Variants in DNER observed in about 807,000 individuals in gnomAD.
The protein encoded by DNER is delta/notch like EGF repeat containing.
DNER carries 33 observed loss-of-function variants against 78.2 expected under a neutral mutation model. That is an observed-to-expected ratio of 0.42 (90% confidence interval 0.32 to 0.56). The LOEUF (loss-of-function observed/expected upper bound fraction) is 0.56. Among genes scored for constraint, DNER ranks in the 20% least tolerant of loss-of-function variants. The pLI, the probability that DNER is intolerant of heterozygous loss-of-function variation, is 0.11. For missense variants in DNER, 918 were observed against 975.3 expected (o/e 0.94, Z 0.78); for synonymous variants, 417 against 384.8 (o/e 1.08, Z -0.98).
chr2:229,563,556 C>T (rs903104105), intron 4 of DNER, among the ~76,000 whole-genome samples: 16 of 146,736 alleles, frequency 1.1e-4, no homozygotes, highest in Admixed American at 6.7e-4. Flanking sequence ...TCACCATCAT[C>T]GTCATCATCC....
At chr2:229,637,792 C>G (rs771748518) in intron 1 of DNER, among the ~76,000 whole-genome samples, 14 of 152,118 alleles carry the variant, frequency 9.2e-5, no homozygotes, top group Non-Finnish European at 1.2e-4. Context: ...GAAAAAGCAG[C>G]CTTGAACATC....
chr2:229,549,443 T>C (rs1302088273), intron 4 of DNER, among the ~76,000 whole-genome samples: 3 of 152,076 alleles, frequency 2.0e-5, no homozygotes, highest in Non-Finnish European at 2.9e-5. Context: ...GTAGCTGAGA[T>C]TACAGGCACC....
At chr2:229,426,304 G>A (rs1361875436) in intron 8 of DNER, among the ~76,000 whole-genome samples, 1 of 151,940 alleles carries the variant, frequency 6.6e-6, no homozygotes, top group African/African-American at 2.4e-5. Flanking sequence ...AGCTGGGCGT[G>A]GTGGCGGGTG....
At chr2:229,370,395 C>T (rs570341034) in intron 11 of DNER, among the ~76,000 whole-genome samples, 19 of 152,326 alleles carry the variant, frequency 1.2e-4, no homozygotes, top group African/African-American at 4.3e-4. Flanking sequence ...TGCCTGAGCT[C>T]ATAAGGCCCA....
At chr2:229,621,859 G>A (rs1322203602) in intron 1 of DNER, among the ~76,000 whole-genome samples, 1 of 152,192 alleles carries the variant, frequency 6.6e-6, no homozygotes, top group Non-Finnish European at 1.5e-5. Flanking sequence ...GCCGAGGCGG[G>A]CGGATCATGA....
Position 229,477,343 on chromosome 2 carries a change from T to C in DNER, c.1148-90A>G, listed in dbSNP as rs1209181130. 3 of 863,790 alleles carry C rather than the reference T, an allele frequency of 3.5e-6. No homozygotes were observed. In the East Asian group the frequency reaches 8.0e-5, roughly 23 times the overall value. 53.5% of individuals were successfully genotyped at this position (863,790 alleles called of 1,614,324 possible). A position where few individuals can be genotyped will look rare whatever the true frequency, so the allele number is the denominator to read the frequency against. On this transcript the variant is annotated intron_variant, in intron 6 of 12. Transcript: ENST00000341772. Reference sequence around the variant, plus strand: ...GGAATTGATGGATTCAACTGGTACCTGCCCAGTGAAGGCAGTGGCAGCCTT... The same window carrying C: ...GGAATTGATGGATTCAACTGGTACCCGCCCAGTGAAGGCAGTGGCAGCCTT...
intron 8 of DNER, among the ~76,000 whole-genome samples, chr2:229,433,483 G>GA (rs1198285203): frequency 6.6e-6 from 1 of 152,174 alleles, no homozygotes; most frequent in African/African-American, 2.4e-5. Context: ...TATTGGAAAA[G>GA]AAAGGCCAGA....
At chr2:229,710,266 T>C (rs1377918628) in intron 1 of DNER, among the ~76,000 whole-genome samples, 1 of 152,220 alleles carries the variant, frequency 6.6e-6, no homozygotes, top group Non-Finnish European at 1.5e-5. Flanking sequence ...TTTTTAATGA[T>C]AAAACTCAAG....
At position 229,449,586 on chromosome 2, in the gene DNER, G is replaced by T. The variant is rs79582676; in HGVS notation, c.1262-2046C>A. 5.2e-4 allele frequency among the ~76,000 whole-genome samples: 79 copies of T among 152,184 alleles called. No individual in the cohort carries two copies. The East Asian group carries it at 0.014, about 27-fold the overall frequency. On this transcript the variant is annotated intron_variant, in intron 7 of 12. Transcript: ENST00000341772. Reference sequence around the variant, plus strand: ...CTTGAGAGGAAAAAAAAATGGTGGGGGTGGGCGGTGGCCAGTGGGGAGCAG... The same window carrying T: ...CTTGAGAGGAAAAAAAAATGGTGGGTGTGGGCGGTGGCCAGTGGGGAGCAG...
intron 11 of DNER, 143 bp from the exon 12 acceptor site, chr2:229,367,262 C>G: frequency 8.2e-7 from 1 of 1,215,052 alleles, no homozygotes; most frequent in East Asian, 2.5e-5. Context: ...TATCCAGACC[C>G]AGGGTTAATA....
intron 4 of DNER, among the ~76,000 whole-genome samples, chr2:229,581,168 A>G (rs539993009): frequency 6.6e-6 from 1 of 152,316 alleles, no homozygotes; most frequent in South Asian, 2.1e-4. Context: ...CTAACACAGA[A>G]GCCACACCCC....
intron 1 of DNER, among the ~76,000 whole-genome samples, chr2:229,662,769 C>T (rs1352398944): frequency 6.6e-6 from 1 of 152,212 alleles, no homozygotes; most frequent in African/African-American, 2.4e-5. Context: ...CAACCAAGCT[C>T]CCCAAATCTG....
In DNER at chr2:229,572,609, A is replaced by G. The variant is rs188294013; in HGVS notation, c.847+13249T>C. On this transcript the variant is annotated intron_variant, in intron 4 of 12. Coordinates refer to ENST00000341772, the MANE Select transcript of DNER (RefSeq NM_139072.4). ...TGCTAAAGGAACAGGACAAGAAGAG[A>G]AAGGAAAGGAAAGCCTCAAAGGCTG... Among the ~76,000 whole-genome samples the G allele has an allele frequency of 9.0e-4, 137 of 152,304 alleles. 1 individual carries two copies. The highest frequency in any genetic ancestry group is 3.1e-3 in the African/African-American group (129 of 41,552).
At position 229,663,342 on chromosome 2, in the gene DNER, C is replaced by T. The variant is rs77670475; in HGVS notation, c.276+50806G>A. The stretch of plus-strand genomic sequence containing the variant: ...GCTGAAACAAAATGTACTGACATCA[C>T]TCCAAAGCCAATTTTTTTCCATGAC... On this transcript the variant is annotated intron_variant, in intron 1 of 12. Coordinates refer to ENST00000341772, the MANE Select transcript of DNER (RefSeq NM_139072.4). 2.7e-3 allele frequency among the ~76,000 whole-genome samples: 406 copies of T among 152,304 alleles called. 1 individual carries two copies. Among genetic ancestry groups the T allele is most frequent in the Non-Finnish European group, 4.0e-3 (275 of 68,022 alleles).
chr2:229,541,893 A>ATATAAATTATATTTATATTTATATT (rs1299298751), intron 5 of DNER, among the ~76,000 whole-genome samples: 12 of 147,264 alleles, frequency 8.1e-5, no homozygotes, highest in East Asian at 3.9e-4. Context: ...TTATATGTAT[A>ATATAAATTATATTTATATTTATATT]TATAAATTAT....
intron 1 of DNER, among the ~76,000 whole-genome samples, chr2:229,648,271 C>T (rs988453852): frequency 2.0e-5 from 3 of 152,144 alleles, no homozygotes; most frequent in South Asian, 2.1e-4. Flanking sequence ...AGGAGTCTAG[C>T]GCAGTATGTG....
intron 1 of DNER, among the ~76,000 whole-genome samples, chr2:229,594,016 G>T (rs1007770901): frequency 2.0e-5 from 3 of 152,228 alleles, no homozygotes; most frequent in Admixed American, 6.5e-5. Flanking sequence ...AGGCCTCACA[G>T]CTTCAGCTCC....
intron 7 of DNER, among the ~76,000 whole-genome samples, chr2:229,461,660 G>T (rs1348081281): frequency 6.6e-6 from 1 of 151,938 alleles, no homozygotes; most frequent in Non-Finnish European, 1.5e-5. Context: ...CTATAACAGA[G>T]GAATAATATA....
intron 4 of DNER, among the ~76,000 whole-genome samples, chr2:229,548,023 A>G (rs78744939): frequency 0.024 from 3,606 of 152,336 alleles, 151 homozygotes; most frequent in African/African-American, 0.083. Flanking sequence ...ATTAATGAAT[A>G]TGATTTTAAA....
Sources: gnomAD v4.1 joint callset for allele counts (sites outside exome capture counted in the v4.1 genomes callset) on GRCh38, gnomAD v4.1.1 for gene constraint, MANE v1.5 for transcripts, NCBI Gene and HGNC (gene_info 2026-07-23, HGNC 2026-07-21) for gene names.